SPECC1: variants seen among roughly 807,000 people sequenced by gnomAD.
SPECC1 encodes cytospin-B.
SPECC1 carries 62 observed loss-of-function variants against 104.1 expected under a neutral mutation model. That is an observed-to-expected ratio of 0.60 (90% confidence interval 0.49 to 0.74). The LOEUF is 0.74. SPECC1 is among the 30% of genes least tolerant of loss of function. SPECC1 has a pLI of 0.00. For missense variants in SPECC1, 1,306 were observed against 1,310.5 expected (o/e 1.00, Z 0.05); for synonymous variants, 513 against 501.6 (o/e 1.02, Z -0.30).
At chr17:20,283,345 C>T (rs2040838794) in intron 12 of SPECC1, among the ~76,000 whole-genome samples, 1 of 152,218 alleles carries the variant, frequency 6.6e-6, no homozygotes, top group African/African-American at 2.4e-5. Flanking sequence ...AAAGAAGTCA[C>T]TTCAGGCATT....
Position 20,205,927 on chromosome 17 carries a change from C to G in SPECC1, c.1863+15C>G. ...TGCTGGCCAAGGTGAGAAGAGACAG[C>G]TCTTTACTGGTATTTGCTCATCCTT... On this transcript the variant is annotated intron_variant, in intron 4 of 14. Transcript: ENST00000395527. The G allele has an allele frequency of 6.3e-7, 1 of 1,594,050 alleles. No individual in the cohort carries two copies. Among genetic ancestry groups the G allele is most frequent in the Non-Finnish European group, 8.5e-7 (1 of 1,174,308 alleles).
At chr17:20,010,531 G>A (rs2043905776) in intron 1 of SPECC1, among the ~76,000 whole-genome samples, 1 of 152,194 alleles carries the variant, frequency 6.6e-6, no homozygotes, top group East Asian at 1.9e-4. Flanking sequence ...AGCTTTGCAG[G>A]ATTAACTCTC....
Position 20,051,072 on chromosome 17 carries a change from CTTTCTTTCTTTCTTTCTT to C in SPECC1, c.-22+41650_-22+41667del, listed in dbSNP as rs2045730962. The stretch of plus-strand genomic sequence containing the variant: ...GTTCTTTCTTTCTTTCTTTCTTTTT[CTTTCTTTCTTTCTTTCTT>C]TCTTTCTTTCTTTCTTTCTTTCTTT... On this transcript the variant is annotated intron_variant, in intron 1 of 14. Transcript: ENST00000395527. Among the ~76,000 whole-genome samples the C allele has an allele frequency of 3.8e-3, 218 of 57,010 alleles. 3 individuals carry two copies. Among genetic ancestry groups the C allele is most frequent in the East Asian group, 0.021 (19 of 888 alleles). The allele number at this position is 57,010 out of a possible 152,430, so 37.4% of individuals were successfully genotyped here.
At chr17:20,200,890 TAAA>T (rs752221811) in intron 3 of SPECC1, among the ~76,000 whole-genome samples, 6 of 125,236 alleles carry the variant, frequency 4.8e-5, no homozygotes, top group Non-Finnish European at 7.0e-5. Context: ...ACAGACATAG[TAAA>T]AAAAAAAAAA....
At chr17:20,076,476 AG>A (rs1236544759) in intron 1 of SPECC1, among the ~76,000 whole-genome samples, 54 of 152,218 alleles carry the variant, frequency 3.5e-4, no homozygotes, top group African/African-American at 1.3e-3. Flanking sequence ...CTGGGATTAC[AG>A]GGATGAGCCA....
intron 3 of SPECC1, among the ~76,000 whole-genome samples, chr17:20,114,214 A>C (rs1304671847): frequency 6.6e-6 from 1 of 152,096 alleles, no homozygotes; most frequent in Non-Finnish European, 1.5e-5. Context: ...TTTTTTTGAG[A>C]CAGAGTATCA....
intron 3 of SPECC1, among the ~76,000 whole-genome samples, chr17:20,184,516 T>C (rs1243248446): frequency 2.0e-5 from 3 of 152,186 alleles, no homozygotes; most frequent in Non-Finnish European, 4.4e-5. Flanking sequence ...TAGGGGAGTT[T>C]AGTGATTAAA....
chr17:20,113,898 A>T (rs982446675), intron 3 of SPECC1, among the ~76,000 whole-genome samples: 1 of 152,252 alleles, frequency 6.6e-6, no homozygotes, highest in Non-Finnish European at 1.5e-5. Context: ...TAATTCAAAT[A>T]CCAAATAGTT....
At chr17:20,107,093 G>A (rs766547839) in intron 2 of SPECC1, among the ~76,000 whole-genome samples, 5 of 135,310 alleles carry the variant, frequency 3.7e-5, no homozygotes, top group African/African-American at 8.9e-5. Context: ...GCAGTGAGCC[G>A]AGATCGCATC....
At chr17:20,283,986 G>T (rs1216355508) in intron 12 of SPECC1, among the ~76,000 whole-genome samples, 1 of 152,130 alleles carries the variant, frequency 6.6e-6, no homozygotes, top group Non-Finnish European at 1.5e-5. Context: ...CTTTAAGTCA[G>T]ATTTCTTAAT....
rs2032456585 is a variant in SPECC1, at chr17:20,156,040, C to T, written c.283+45478C>T. The T allele has an allele frequency of 5.5e-6, 7 of 1,276,978 alleles. No homozygotes were observed. The South Asian group carries it at 1.2e-4, about 22-fold the overall frequency. 79.1% of individuals were successfully genotyped at this position (1,276,978 alleles called of 1,614,324 possible). On this transcript the variant is annotated intron_variant, in intron 3 of 14. Coordinates refer to ENST00000395527, the MANE Select transcript of SPECC1 (RefSeq NM_001243439.2). ...GGGCGCGGGAGAGCAGCGGCTCCGCCGGCAGCTGCTGGGAACTGGAAGGCG... is the reference window on the plus strand; with the variant it reads ...GGGCGCGGGAGAGCAGCGGCTCCGCTGGCAGCTGCTGGGAACTGGAAGGCG...
At chr17:20,173,236 G>A (rs2034219085) in intron 3 of SPECC1, among the ~76,000 whole-genome samples, 1 of 152,222 alleles carries the variant, frequency 6.6e-6, no homozygotes, top group African/African-American at 2.4e-5. Context: ...AAAGAATGCA[G>A]ACTGTTAGCT....
At chr17:20,114,000 T>C (rs2048626209) in intron 3 of SPECC1, among the ~76,000 whole-genome samples, 2 of 152,190 alleles carry the variant, frequency 1.3e-5, no homozygotes, top group Admixed American at 1.3e-4. Flanking sequence ...GAGTTGCCTG[T>C]TAAAAGGCAA....
At chr17:20,137,391 G>A (rs139008077) in intron 3 of SPECC1, among the ~76,000 whole-genome samples, 193 of 152,258 alleles carry the variant, frequency 1.3e-3, no homozygotes, top group Middle Eastern at 6.8e-3. Flanking sequence ...GGAGTTAATC[G>A]TGCCCATTAC....
intron 3 of SPECC1, among the ~76,000 whole-genome samples, chr17:20,188,513 G>T (rs1480176789): frequency 6.6e-6 from 1 of 152,080 alleles, no homozygotes; most frequent in African/African-American, 2.4e-5. Context: ...CTGACCTCAG[G>T]TGATCTGCCT....
chr17:20,212,133 T>C (rs1330881740), intron 4 of SPECC1, among the ~76,000 whole-genome samples: 2 of 152,206 alleles, frequency 1.3e-5, no homozygotes, highest in Non-Finnish European at 2.9e-5. Flanking sequence ...ATACCTGAAG[T>C]GTAAATAAAC....
rs148540237 is a variant in SPECC1, at chr17:20,060,315, A to T, written c.-21-36316A>T. 5.6e-4 allele frequency among the ~76,000 whole-genome samples: 86 copies of T among 152,284 alleles called. No individual in the cohort carries two copies. The East Asian group carries it at 0.015, about 27-fold the overall frequency. On this transcript the variant is annotated intron_variant, in intron 1 of 14. Transcript: ENST00000395527. ...ACTTTGAAAGTGACATGGAAAGCTT[A>T]TGCGGTTTCTACAACTATTTCAGAA... is the stretch of plus-strand genomic sequence containing the variant.
In SPECC1 at chr17:20,059,726, G is replaced by T. The variant is rs2046112411; in HGVS notation, c.-21-36905G>T. ...ATAGAAAATTTAAAAAATTAGCTGG[G>T]CATGGTGGGCCTGTAGTCCCAGCTA... On this transcript the variant is annotated intron_variant, in intron 1 of 14. Transcript: ENST00000395527. Among the ~76,000 whole-genome samples the T allele has an allele frequency of 2.0e-5, 3 of 152,138 alleles. No individual in the cohort carries two copies. The South Asian group carries it at 6.2e-4, about 32-fold the overall frequency.
In SPECC1 at chr17:20,199,954, G is replaced by A. The variant is rs568229033; in HGVS notation, c.284-4379G>A. 2.4e-4 allele frequency among the ~76,000 whole-genome samples: 37 copies of A among 152,046 alleles called. No homozygotes were observed. The East Asian group carries it at 5.4e-3, about 22-fold the overall frequency. On this transcript the variant is annotated intron_variant, in intron 3 of 14. Transcript: ENST00000395527. ...ACAGGCGTTTGTGGCACCACCGCCCGGCTAATTTTTGCATTTTTAGTAGAG... is the reference window on the plus strand; with the variant it reads ...ACAGGCGTTTGTGGCACCACCGCCCAGCTAATTTTTGCATTTTTAGTAGAG...
Sources: allele counts gnomAD v4.1 joint callset (sites outside exome capture counted in the v4.1 genomes callset), GRCh38; gene constraint gnomAD v4.1.1; transcripts MANE v1.5; gene names NCBI Gene and HGNC (gene_info 2026-07-23, HGNC 2026-07-21).